SMPDL3A: variants seen among roughly 807,000 people sequenced by gnomAD.
SMPDL3A encodes sphingomyelin phosphodiesterase acid like 3A.
A neutral mutation model predicts 38.5 loss-of-function variants in SMPDL3A; 39 were observed. That is an observed-to-expected ratio of 1.01 (90% confidence interval 0.78 to 1.32). The LOEUF (loss-of-function observed/expected upper bound fraction) is 1.32, where lower values mean the gene tolerates loss of function less well. SMPDL3A is among the 40% of genes most tolerant of loss of function. The probability of loss-of-function intolerance (pLI) is 0.00; values close to 1 mark genes in which losing one functional copy is unlikely to be tolerated. For missense variants in SMPDL3A, 502 were observed against 536.2 expected (o/e 0.94, Z 0.63); for synonymous variants, 180 against 194.3 (o/e 0.93, Z 0.61).
chr6:122,804,041 G>A (rs1419587707), intron 5 of SMPDL3A, among the ~76,000 whole-genome samples: 1 of 150,890 alleles, frequency 6.6e-6, no homozygotes, highest in African/African-American at 2.4e-5. Context: ...AGGCTGGAGT[G>A]CAATGGCGTG....
chr6:122,800,913 G>A (rs1328353157), intron 3 of SMPDL3A, among the ~76,000 whole-genome samples: 1 of 152,170 alleles, frequency 6.6e-6, no homozygotes, highest in East Asian at 1.9e-4. Context: ...ACCATGCCTG[G>A]GTAATTTTTG....
Position 122,795,736 on chromosome 6 carries a change from C to T in SMPDL3A, c.172C>T (p.His58Tyr), listed in dbSNP as rs775278317. 1.9e-6 allele frequency: 3 copies of T among 1,614,128 alleles called. No individual in the cohort carries two copies. Among genetic ancestry groups the T allele is most frequent in the Non-Finnish European group, 2.5e-6 (3 of 1,180,002 alleles). The change falls in exon 2 of 8, where the codon CAC becomes TAC. Residue 58 changes from histidine to tyrosine, a missense_variant. Physicochemically the swap from His to Tyr is moderately conservative, Grantham distance 83 (BLOSUM62 2). Coordinates refer to ENST00000368440, the MANE Select transcript of SMPDL3A (RefSeq NM_006714.5). ...CCCTACTTACCACATCACAGATGAC[C>T]ACACAAAAGTGTGTGCTTCATCTAA... Reference protein sequence around the residue: ...LDPTYHITDDHTKVCASSKGA... With the variant: ...LDPTYHITDDYTKVCASSKGA...
chr6:122,806,262 C>T lies in SMPDL3A; in HGVS notation c.949C>T (p.Pro317Ser), dbSNP rs143627205. 5.2e-5 allele frequency: 84 copies of T among 1,612,628 alleles called. No individual in the cohort carries two copies. The highest frequency in any genetic ancestry group is 6.2e-5 in the Non-Finnish European group (73 of 1,179,222). ...TCCAGTAAATTCTTTGTTTGTGGCTCCTGCTGTTACACCAGTGAAGAGTGT... is the reference window on the plus strand; with the variant it reads ...TCCAGTAAATTCTTTGTTTGTGGCTTCTGCTGTTACACCAGTGAAGAGTGT... ...GSPVNSLFVA[P>S]AVTPVKSVLE... is the part of the protein sequence containing the mutation. Residue 317 changes from proline (P) to serine (S), a missense_variant, in exon 7 of 8, where the codon CCT (proline) becomes TCT (serine). Pro to Ser is a moderately conservative substitution (Grantham distance 74, BLOSUM62 -1). Transcript: ENST00000368440.
At chr6:122,800,010 C>A (rs1174688724) in intron 3 of SMPDL3A, among the ~76,000 whole-genome samples, 1 of 136,332 alleles carries the variant, frequency 7.3e-6, no homozygotes, top group Admixed American at 8.1e-5. Context: ...GTTGCCCAGG[C>A]TGGAGTGCAG....
chr6:122,803,961 T>C, intron 5 of SMPDL3A, 128 bp downstream of exon 5: 1 of 698,720 alleles, frequency 1.4e-6, no homozygotes, highest in South Asian at 2.2e-5. Flanking sequence ...GCATAAACAC[T>C]TTACAACTCA....
Position 122,796,859 on chromosome 6 carries a change from C to G in SMPDL3A, c.362C>G (p.Ser121Ter), listed in dbSNP as rs1440742950. The change falls in exon 3 of 8, where the codon TCA becomes TGA. Residue 121 changes from serine to a stop codon, truncating the protein, a stop_gained. Coordinates refer to ENST00000368440, the MANE Select transcript of SMPDL3A (RefSeq NM_006714.5). LOFTEE classifies it high-confidence loss of function. ...CCTCATGTTCCTGTACCTGAACTCT[C>G]AACAGACACTGTTATAAATGTGATC... ...SPPHVPVPEL[S>*]TDTVINVITN... 1 of 1,612,948 alleles carries G rather than the reference C, an allele frequency of 6.2e-7. No homozygotes were observed. The highest frequency in any genetic ancestry group is 1.3e-5 in the African/African-American group (1 of 74,908).
chr6:122,806,472 C>T (rs748169820), intron 7 of SMPDL3A, 115 bp downstream of exon 7: 1 of 1,026,104 alleles, frequency 9.7e-7, no homozygotes, highest in Non-Finnish European at 1.4e-6. Context: ...ATGTTGAAAT[C>T]TCCTGGCATC....
rs1582552697 is a variant in SMPDL3A, at chr6:122,803,195, C to G, written c.569-469C>G. On this transcript the variant is annotated intron_variant, in intron 4 of 7. Transcript: ENST00000368440. ...GTGGAATGATGCCTTTAAACCTCCT[C>G]TCCCCTGAGATTGTAGCAGCTGTGG... Among the ~76,000 whole-genome samples the G allele has an allele frequency of 2.0e-5, 3 of 152,292 alleles. No homozygotes were observed. In the East Asian group the frequency reaches 5.8e-4, roughly 30 times the overall value.
rs766880967 is a variant in SMPDL3A at position 122,809,244 on chromosome 6, A to G, written c.1198A>G (p.Ser400Gly). The stretch of plus-strand genomic sequence containing the variant: ...AGCTAAACAATTTACAATCCTAGAC[A>G]GTAAGCAGTTTATAAAATACTACAA... ...GLAKQFTILD[S>G]KQFIKYYNYF... is the part of the protein sequence containing the mutation. The change falls in exon 8 of 8, where the codon AGT (serine) becomes GGT (glycine). Residue 400 changes from serine to glycine, a missense_variant. By Grantham distance (56) the Ser-to-Gly change is moderately conservative. Transcript: ENST00000368440. 2.5e-6 allele frequency: 4 copies of G among 1,614,234 alleles called. No homozygotes were observed. In the Admixed American group the frequency reaches 6.7e-5, roughly 27 times the overall value.
rs1174461807 is a variant in SMPDL3A at position 122,789,308 on chromosome 6, G to A, written c.-39G>A. ...GGCCTGACGGTCCGAGTGGAGCTGC[G>A]GGACAGCCCGAACCTCCAGGTCAGC... On this transcript the variant is annotated 5_prime_UTR_variant, in exon 1 of 8. Coordinates refer to ENST00000368440, the MANE Select transcript of SMPDL3A (RefSeq NM_006714.5). 8.3e-6 allele frequency: 12 copies of A among 1,439,846 alleles called. No homozygotes were observed. Among genetic ancestry groups the A allele is most frequent in the African/African-American group, 1.4e-5 (1 of 69,602 alleles). The allele number at this position is 1,439,846 out of a possible 1,614,324, so 89.2% of individuals were successfully genotyped here.
chr6:122,801,513 C>T, intron 4 of SMPDL3A, 107 bp downstream of exon 4: 1 of 785,614 alleles, frequency 1.3e-6, no homozygotes. Flanking sequence ...GAGCACAGCC[C>T]CCAGTTTTTG....
chr6:122,806,008 C>A (rs1277175686), intron 6 of SMPDL3A, among the ~76,000 whole-genome samples: 2 of 152,096 alleles, frequency 1.3e-5, no homozygotes, highest in Admixed American at 6.6e-5. Context: ...TTTACATAAC[C>A]ACAAACTTAG....
chr6:122,795,495 T>G (rs1582539377), intron 1 of SMPDL3A, among the ~76,000 whole-genome samples, 182 bp from the exon 2 acceptor site: 1 of 152,158 alleles, frequency 6.6e-6, no homozygotes, highest in African/African-American at 2.4e-5. Flanking sequence ...TACAGTTCCT[T>G]GAAGCTCATC....
chr6:122,795,343 A>G (rs1197187685), intron 1 of SMPDL3A, among the ~76,000 whole-genome samples: 2 of 152,088 alleles, frequency 1.3e-5, no homozygotes, highest in African/African-American at 4.8e-5. Context: ...GGGTTTCACC[A>G]TGTTGGCCAG....
In SMPDL3A at chr6:122,789,315, C is replaced by A; in HGVS notation, c.-32C>A. On this transcript the variant is annotated 5_prime_UTR_variant, in exon 1 of 8. Coordinates refer to ENST00000368440, the MANE Select transcript of SMPDL3A (RefSeq NM_006714.5). ...CGGTCCGAGTGGAGCTGCGGGACAG[C>A]CCGAACCTCCAGGTCAGCCCCGCGG... 6.8e-7 allele frequency: 1 copy of A among 1,479,636 alleles called. No homozygotes were observed. Among genetic ancestry groups the A allele is most frequent in the Non-Finnish European group, 9.1e-7 (1 of 1,095,786 alleles). 91.7% of individuals were successfully genotyped at this position (1,479,636 alleles called of 1,614,324 possible). A position where few individuals can be genotyped will look rare whatever the true frequency, so the allele number is the denominator to read the frequency against.
In SMPDL3A at chr6:122,809,528, CTT is replaced by C. The variant is rs57678429; in HGVS notation, c.*130_*131del. 2.4e-4 allele frequency: 127 copies of C among 527,268 alleles called. No individual in the cohort carries two copies. Among genetic ancestry groups the C allele is most frequent in the Admixed American group, 1.9e-3 (54 of 28,798 alleles). The allele number at this position is 527,268 out of a possible 1,614,324, so 32.7% of individuals were successfully genotyped here. A position where few individuals can be genotyped will look rare whatever the true frequency, so the allele number is the denominator to read the frequency against. On this transcript the variant is annotated 3_prime_UTR_variant, in exon 8 of 8. Transcript: ENST00000368440. The stretch of plus-strand genomic sequence containing the variant: ...CAAGTAGACTTCCTGTCTTTGCTTT[CTT>C]TTTTTTTTTCTTTTTGATGCCTTAA...
chr6:122,799,180 G>T (rs1781345458), intron 3 of SMPDL3A, among the ~76,000 whole-genome samples: 1 of 152,188 alleles, frequency 6.6e-6, no homozygotes, highest in Non-Finnish European at 1.5e-5. Context: ...ACATCCTGGA[G>T]AATTCTTCCT....
intron 7 of SMPDL3A, among the ~76,000 whole-genome samples, chr6:122,807,062 T>A (rs1299787656): frequency 7.2e-6 from 1 of 138,416 alleles, no homozygotes; most frequent in Non-Finnish European, 1.6e-5. Context: ...AGCTAATTTT[T>A]ATAATCCTAT....
chr6:122,803,980 C>CTT, intron 5 of SMPDL3A, 147 bp downstream of exon 5: 1 of 575,814 alleles, frequency 1.7e-6, no homozygotes, highest in Admixed American at 3.6e-5. Flanking sequence ...CATGGATTTT[C>CTT]TTTCTTTTTT....
Sources: gnomAD v4.1 joint callset for allele counts (sites outside exome capture counted in the v4.1 genomes callset) on GRCh38, gnomAD v4.1.1 for gene constraint, MANE v1.5 for transcripts, NCBI Gene and HGNC (gene_info 2026-07-23, HGNC 2026-07-21) for gene names.